PXYLP1: variants seen among roughly 807,000 people sequenced by gnomAD.
The protein encoded by PXYLP1 is acid phosphatase-like 2.
A neutral mutation model predicts 37.9 loss-of-function variants in PXYLP1; 17 were observed. The ratio of observed to expected loss-of-function variants is 0.45; its 90% CI spans 0.31 to 0.67. The LOEUF (loss-of-function observed/expected upper bound fraction) is 0.67. Ranked by LOEUF, PXYLP1 falls within the 30% of genes least tolerant of loss-of-function variation. The pLI is 0.07. For synonymous variants in PXYLP1, 221 were observed against 232.2 expected, an observed-to-expected ratio of 0.95 and a Z score of 0.44; for missense variants, 511 against 612.0, an observed-to-expected ratio of 0.84 and a Z score of 1.74.
chr3:141,282,641 G>A (rs916734251), intron 4 of PXYLP1, among the ~76,000 whole-genome samples: 6 of 152,230 alleles, frequency 3.9e-5, no homozygotes, highest in African/African-American at 1.4e-4. Flanking sequence ...TGACATATGA[G>A]TGGTGGGGTG....
chr3:141,273,126 C>A (rs1941708787), intron 2 of PXYLP1: 8 of 985,352 alleles, frequency 8.1e-6, no homozygotes, highest in Non-Finnish European at 9.6e-6. Context: ...GCTTTCTCCC[C>A]ACCTTTTCTT....
At chr3:141,269,515 G>C (rs1316251481) in intron 2 of PXYLP1, among the ~76,000 whole-genome samples, 1 of 151,962 alleles carries the variant, frequency 6.6e-6, no homozygotes, top group African/African-American at 2.4e-5. Flanking sequence ...ATCTCTTCTT[G>C]AGTGTTGAAA....
chr3:141,268,724 C>T (rs1941592760), intron 2 of PXYLP1, among the ~76,000 whole-genome samples: 1 of 152,176 alleles, frequency 6.6e-6, no homozygotes, highest in African/African-American at 2.4e-5. Context: ...CTGGGACTGC[C>T]TCACCATCCT....
chr3:141,270,373 A>T (rs1458907523), intron 2 of PXYLP1, among the ~76,000 whole-genome samples: 1 of 152,254 alleles, frequency 6.6e-6, no homozygotes. Flanking sequence ...TCCAGCCTTT[A>T]AAAGCAGACG....
Position 141,294,687 on chromosome 3 carries a change from A to G in PXYLP1, c.*1482A>G, listed in dbSNP as rs187916250. 1 of 152,320 alleles carries G rather than the reference A, an allele frequency of 6.6e-6. No homozygotes were observed. Among genetic ancestry groups the G allele is most frequent in the African/African-American group, 2.4e-5 (1 of 41,574 alleles). 9.4% of individuals were successfully genotyped at this position (152,320 alleles called of 1,614,324 possible). ...CTATAAGTCACTCGAGTTATTTTCAAGTGAGAGCCAGTATTTTATTTTTCC... is the reference window on the plus strand; with the variant it reads ...CTATAAGTCACTCGAGTTATTTTCAGGTGAGAGCCAGTATTTTATTTTTCC... On this transcript the variant is annotated 3_prime_UTR_variant, in exon 6 of 6. Transcript: ENST00000286353.
rs1942309292 is a variant in PXYLP1, at chr3:141,294,707, T to G, written c.*1502T>G. 6.6e-6 allele frequency: 1 copy of G among 152,228 alleles called. No individual in the cohort carries two copies. Among genetic ancestry groups the G allele is most frequent in the African/African-American group, 2.4e-5 (1 of 41,460 alleles). 9.4% of individuals were successfully genotyped at this position (152,228 alleles called of 1,614,324 possible). ...TTTCAAGTGAGAGCCAGTATTTTAT[T>G]TTTCCCCCTTCATTCAAATGTCATG... On this transcript the variant is annotated 3_prime_UTR_variant, in exon 6 of 6. Transcript: ENST00000286353.
chr3:141,246,035 C>G (rs558674977), intron 1 of PXYLP1, among the ~76,000 whole-genome samples: 1 of 152,244 alleles, frequency 6.6e-6, no homozygotes, highest in East Asian at 1.9e-4. Flanking sequence ...CCCGACTGAC[C>G]GACTAAACCT....
At position 141,293,350 on chromosome 3, in the gene PXYLP1, G is replaced by A; in HGVS notation, c.*145G>A. On this transcript the variant is annotated 3_prime_UTR_variant, in exon 6 of 6. Transcript: ENST00000286353. ...TTTGTGGGAACCACAGATGGTTGGGGTTGAACAGTAAGCACATTGCTGCAA... is the reference window on the plus strand; with the variant it reads ...TTTGTGGGAACCACAGATGGTTGGGATTGAACAGTAAGCACATTGCTGCAA... The A allele has an allele frequency of 1.2e-6, 1 of 864,560 alleles. No homozygotes were observed. Among genetic ancestry groups the A allele is most frequent in the Non-Finnish European group, 1.7e-6 (1 of 578,246 alleles). The allele number at this position is 864,560 out of a possible 1,614,324, so 53.6% of individuals were successfully genotyped here.
Position 141,278,465 on chromosome 3 carries a change from G to A in PXYLP1, c.203G>A (p.Cys68Tyr). 6.2e-7 allele frequency: 1 copy of A among 1,614,214 alleles called. No individual in the cohort carries two copies. The highest frequency in any genetic ancestry group is 1.1e-5 in the South Asian group (1 of 91,082). ...TDPVYEALLYCNIPSVAERSM... is the reference protein window; with the variant it reads ...TDPVYEALLYYNIPSVAERSM... The stretch of plus-strand genomic sequence containing the variant: ...CCCGTTTATGAAGCTCTTTTGTACT[G>A]CAACATCCCCAGCGTGGCCGAGCGC... The change falls in exon 3 of 6, where the codon TGC (cysteine) becomes TAC (tyrosine). Residue 68 changes from cysteine (C) to tyrosine (Y), a missense_variant. Physicochemically the swap from Cys to Tyr is radical, Grantham distance 194. Coordinates refer to ENST00000286353, the MANE Select transcript of PXYLP1 (RefSeq NM_001037172.3).
chr3:141,287,595 G>A, intron 5 of PXYLP1, 142 bp downstream of exon 5: 1 of 863,738 alleles, frequency 1.2e-6, no homozygotes, highest in East Asian at 3.0e-5. Flanking sequence ...TCGGTCACCA[G>A]GGCCTCTAAA....
intron 2 of PXYLP1, chr3:141,274,274 T>C: frequency 1.5e-6 from 2 of 1,314,788 alleles, no homozygotes; most frequent in Non-Finnish European, 1.9e-6. Flanking sequence ...CGGGGTCTGC[T>C]CCTCCAGGCC....
In PXYLP1 at chr3:141,293,046, C is replaced by G. The variant is rs960184359; in HGVS notation, c.1284C>G (p.Val428=). The G allele has an allele frequency of 6.2e-7, 1 of 1,614,242 alleles. No individual in the cohort carries two copies. Among genetic ancestry groups the G allele is most frequent in the African/African-American group, 1.3e-5 (1 of 75,058 alleles). Residue 428 remains valine, a synonymous_variant, in exon 6 of 6, where the codon GTC becomes GTG. Coordinates refer to ENST00000286353, the MANE Select transcript of PXYLP1 (RefSeq NM_001037172.3). ...SVRILYNGVD[V]TFHTSFCQDH... ...GGATTCTTTACAATGGCGTCGATGTCACATTCCACACCTCTTTCTGCCAAG... is the reference window on the plus strand; with the variant it reads ...GGATTCTTTACAATGGCGTCGATGTGACATTCCACACCTCTTTCTGCCAAG...
intron 1 of PXYLP1, among the ~76,000 whole-genome samples, chr3:141,253,944 CT>C (rs1259876001): frequency 2.0e-5 from 3 of 151,064 alleles, no homozygotes; most frequent in Admixed American, 2.0e-4. Context: ...TGAAGTTTCT[CT>C]TTGTCACCCA....
chr3:141,272,800 A>G (rs566791867), intron 2 of PXYLP1: 13 of 182,696 alleles, frequency 7.1e-5, no homozygotes, highest in Admixed American at 2.0e-4. Flanking sequence ...GCCTGCTTAT[A>G]TTCCAGCTGC....
intron 2 of PXYLP1, chr3:141,262,574 T>G (rs987884334): frequency 3.7e-6 from 5 of 1,335,308 alleles, no homozygotes; most frequent in Non-Finnish European, 5.0e-6. Flanking sequence ...AAGTACCTTC[T>G]GTTTTAGGAA....
chr3:141,252,295 C>T (rs1411018077), intron 1 of PXYLP1, among the ~76,000 whole-genome samples: 1 of 152,128 alleles, frequency 6.6e-6, no homozygotes, highest in African/African-American at 2.4e-5. Flanking sequence ...TGTGTTAGTC[C>T]ATTTTGTGTT....
chr3:141,273,505 G>GGGTGGGGAAGGGT, intron 2 of PXYLP1: 2 of 985,532 alleles, frequency 2.0e-6, no homozygotes, highest in East Asian at 2.3e-4. Flanking sequence ...TCGGGAGATG[G>GGGTGGGGAAGGGT]GGTGGGGAAG....
chr3:141,271,756 A>C (rs1319455928), intron 2 of PXYLP1, among the ~76,000 whole-genome samples: 1 of 152,232 alleles, frequency 6.6e-6, no homozygotes, highest in Non-Finnish European at 1.5e-5. Flanking sequence ...CACATGGGAC[A>C]GCCTGTCTTT....
At chr3:141,287,532 C>A in intron 5 of PXYLP1, 79 bp downstream of exon 5, 1 of 1,544,870 alleles carries the variant, frequency 6.5e-7, no homozygotes. Context: ...TTCTCCTGGG[C>A]GGGGTGCTGT....
Sources: allele counts gnomAD v4.1 joint callset (sites outside exome capture counted in the v4.1 genomes callset), GRCh38; gene constraint gnomAD v4.1.1; transcripts MANE v1.5; gene names NCBI Gene and HGNC (gene_info 2026-07-23, HGNC 2026-07-21).